Variants in SUPT3H observed in about 807,000 individuals in gnomAD.
SUPT3H encodes SPT3 homolog, SAGA and STAGA complex component.
SUPT3H carries 44 observed loss-of-function variants against 44.3 expected under a neutral mutation model. The observed-to-expected ratio is 0.99, with a 90% CI of 0.78 to 1.28. The LOEUF (loss-of-function observed/expected upper bound fraction) is 1.28. Ranked by LOEUF, SUPT3H falls within the 50% of genes most tolerant of loss-of-function variation. The pLI, the probability that SUPT3H is intolerant of heterozygous loss-of-function variation, is 0.00. For missense variants in SUPT3H, 380 were observed against 387.1 expected (o/e 0.98, Z 0.15); for synonymous variants, 124 against 125.6 (o/e 0.99, Z 0.09).
intron 1 of SUPT3H, among the ~76,000 whole-genome samples, chr6:45,375,264 A>C (rs764073803): frequency 6.6e-6 from 1 of 152,172 alleles, no homozygotes; most frequent in African/African-American, 2.4e-5. Context: ...AAAACTATAT[A>C]TTACAAGTCC....
intron 2 of SUPT3H, among the ~76,000 whole-genome samples, chr6:45,362,839 C>T (rs749817036): frequency 2.8e-5 from 4 of 144,134 alleles, no homozygotes; most frequent in African/African-American, 1.1e-4. Flanking sequence ...TTTATTTTTT[C>T]TCAGTTTTTT....
At chr6:45,029,387 A>G (rs1786569427) in intron 3 of SUPT3H, among the ~76,000 whole-genome samples, 1 of 150,656 alleles carries the variant, frequency 6.6e-6, no homozygotes, top group Middle Eastern at 3.5e-3. Context: ...ATGTGTGTGT[A>G]CATATATTGC....
chr6:45,129,512 T>G (rs543720350), intron 2 of SUPT3H, among the ~76,000 whole-genome samples: 4 of 152,188 alleles, frequency 2.6e-5, no homozygotes. Flanking sequence ...TAAGGAGAAT[T>G]AGACTGCTAA....
Position 45,220,040 on chromosome 6 carries a change from C to CAA in SUPT3H, c.102-114036_102-114035dup, listed in dbSNP as rs67960187. Among the ~76,000 whole-genome samples the CAA allele has an allele frequency of 3.6e-3, 118 of 33,016 alleles. 17 individuals are homozygous for CAA. Among genetic ancestry groups the CAA allele is most frequent in the Non-Finnish European group, 4.3e-3 (89 of 20,678 alleles). 21.7% of individuals were successfully genotyped at this position (33,016 alleles called of 152,430 possible). On this transcript the variant is annotated intron_variant, in intron 2 of 10. Coordinates refer to ENST00000371459, the MANE Select transcript of SUPT3H (RefSeq NM_003599.4). ...GGTGACCGAGAGAGAGACTCTGTCTCAAAAAAAAAAAAAAAAAAAAAAAAA... is the reference window on the plus strand; with the variant it reads ...GGTGACCGAGAGAGAGACTCTGTCTCAAAAAAAAAAAAAAAAAAAAAAAAAAA...
intron 3 of SUPT3H, among the ~76,000 whole-genome samples, chr6:45,062,615 A>T (rs7763716): frequency 2.6e-5 from 4 of 152,122 alleles, no homozygotes; most frequent in South Asian, 2.1e-4. Context: ...CACCATGCGC[A>T]AGCCGAAGCA....
At chr6:45,101,787 T>G (rs1340048752) in intron 3 of SUPT3H, among the ~76,000 whole-genome samples, 1 of 152,134 alleles carries the variant, frequency 6.6e-6, no homozygotes, top group Non-Finnish European at 1.5e-5. Context: ...ATGTGTCTAT[T>G]AAAAATGATA....
At chr6:45,108,656 C>A (rs1799628021) in intron 2 of SUPT3H, among the ~76,000 whole-genome samples, 1 of 152,018 alleles carries the variant, frequency 6.6e-6, no homozygotes, top group Non-Finnish European at 1.5e-5. Context: ...TGACATAAAC[C>A]TTTAGTAAGC....
chr6:44,978,852 C>A (rs186140675), intron 6 of SUPT3H, among the ~76,000 whole-genome samples: 28 of 152,208 alleles, frequency 1.8e-4, no homozygotes, highest in Admixed American at 3.9e-4. Flanking sequence ...GACCAGATTG[C>A]CCAAACGTTG....
At chr6:44,831,745 C>A (rs1768786077) in intron 10 of SUPT3H, among the ~76,000 whole-genome samples, 1 of 150,856 alleles carries the variant, frequency 6.6e-6, no homozygotes, top group Non-Finnish European at 1.5e-5. Flanking sequence ...TAGAGGGAGA[C>A]TGAGTCTTAG....
chr6:45,273,424 T>A (rs1389801108), intron 2 of SUPT3H, among the ~76,000 whole-genome samples: 2 of 152,146 alleles, frequency 1.3e-5, no homozygotes, highest in Non-Finnish European at 2.9e-5. Flanking sequence ...CCCATAAATT[T>A]GATATTAGTT....
chr6:45,103,324 T>C (rs1265505548), intron 3 of SUPT3H, among the ~76,000 whole-genome samples: 1 of 152,188 alleles, frequency 6.6e-6, no homozygotes, highest in Non-Finnish European at 1.5e-5. Context: ...GCATCTACTG[T>C]AATAAGAGGA....
chr6:44,955,789 G>A (rs1332234309), intron 7 of SUPT3H, among the ~76,000 whole-genome samples: 2 of 152,086 alleles, frequency 1.3e-5, no homozygotes, highest in Non-Finnish European at 2.9e-5. Context: ...CACACTGCTC[G>A]GGTGATGGGT....
intron 10 of SUPT3H, among the ~76,000 whole-genome samples, chr6:44,923,287 GA>G (rs1769015040): frequency 1.3e-5 from 2 of 152,076 alleles, no homozygotes; most frequent in Non-Finnish European, 2.9e-5. Context: ...CCCCATTAGA[GA>G]AAAGTGATTT....
intron 6 of SUPT3H, among the ~76,000 whole-genome samples, chr6:44,993,785 T>G: frequency 6.6e-6 from 1 of 152,148 alleles, no homozygotes; most frequent in Non-Finnish European, 1.5e-5. Context: ...TTGAAATTGT[T>G]TGAACAAAAA....
chr6:45,336,765 G>T (rs1448013274), intron 2 of SUPT3H, among the ~76,000 whole-genome samples: 1 of 151,326 alleles, frequency 6.6e-6, no homozygotes, highest in Non-Finnish European at 1.5e-5. Flanking sequence ...GATAGGAAGT[G>T]ATTTTCTATA....
In SUPT3H at chr6:45,187,179, C is replaced by T. The variant is rs940095919; in HGVS notation, c.102-81173G>A. 5.5e-5 allele frequency among the ~76,000 whole-genome samples: 8 copies of T among 146,514 alleles called. 1 individual carries two copies. The highest frequency in any genetic ancestry group is 4.1e-4 in the Admixed American group (6 of 14,610). On this transcript the variant is annotated intron_variant, in intron 2 of 10. Coordinates refer to ENST00000371459, the MANE Select transcript of SUPT3H (RefSeq NM_003599.4). The stretch of plus-strand genomic sequence containing the variant: ...CCTGTAATCCCAACACTCTGGGAGG[C>T]GGAGGCAGGTGGATCACCAGAGGTC...
chr6:45,280,089 G>C (rs1471405985), intron 2 of SUPT3H, among the ~76,000 whole-genome samples: 1 of 152,108 alleles, frequency 6.6e-6, no homozygotes, highest in Non-Finnish European at 1.5e-5. Context: ...ATCTAATCAT[G>C]TCTCACCATC....
chr6:44,838,848 A>C (rs1403718726), intron 10 of SUPT3H, among the ~76,000 whole-genome samples: 1 of 152,194 alleles, frequency 6.6e-6, no homozygotes, highest in Non-Finnish European at 1.5e-5. Flanking sequence ...CTCTTTCCTT[A>C]AAGTTAGGTG....
chr6:45,112,557 A>AT (rs2153574989), intron 2 of SUPT3H, among the ~76,000 whole-genome samples: 1 of 152,262 alleles, frequency 6.6e-6, no homozygotes, highest in South Asian at 2.1e-4. Flanking sequence ...GGAAGGACTG[A>AT]TTAAGTTTCT....
Sources: allele counts gnomAD v4.1 joint callset (sites outside exome capture counted in the v4.1 genomes callset), GRCh38; gene constraint gnomAD v4.1.1; transcripts MANE v1.5; gene names NCBI Gene and HGNC (gene_info 2026-07-23, HGNC 2026-07-21).